The following DPYD variants were observed in gnomAD, a reference collection of about 807,000 sequenced individuals.
DPYD encodes dihydropyrimidine dehydrogenase [NADP(+)].
A neutral mutation model predicts 116.2 loss-of-function variants in DPYD; 109 were observed. That is an observed-to-expected ratio of 0.94 (90% confidence interval 0.80 to 1.10). The LOEUF (loss-of-function observed/expected upper bound fraction) is 1.10, where lower values mean the gene tolerates loss of function less well. Ranked by LOEUF, DPYD falls within the 50% of genes least tolerant of loss-of-function variation. The probability of loss-of-function intolerance (pLI) is 0.00; values close to 1 mark genes in which losing one functional copy is unlikely to be tolerated. For missense variants in DPYD, 1,302 were observed against 1,254.5 expected (o/e 1.04, Z -0.57); for synonymous variants, 440 against 432.0 (o/e 1.02, Z -0.23).
chr1:97,182,033 G>T (rs536200422), intron 20 of DPYD, among the ~76,000 whole-genome samples: 2 of 152,196 alleles, frequency 1.3e-5, no homozygotes, highest in East Asian at 3.9e-4. Context: ...CCAGTAGTAA[G>T]GCATCATGCC....
At chr1:97,105,630 A>G (rs937912689) in intron 20 of DPYD, among the ~76,000 whole-genome samples, 1 of 152,118 alleles carries the variant, frequency 6.6e-6, no homozygotes, top group African/African-American at 2.4e-5. Context: ...CCTAGAGAAC[A>G]GAATCTCTGG....
intron 18 of DPYD, among the ~76,000 whole-genome samples, chr1:97,283,266 T>G (rs758693115): frequency 2.2e-4 from 34 of 152,138 alleles, no homozygotes; most frequent in South Asian, 8.3e-4. Flanking sequence ...TTTGAGTGTC[T>G]TCTTTTATAT....
chr1:97,815,848 A>C (rs138032418), intron 3 of DPYD, among the ~76,000 whole-genome samples: 19 of 152,298 alleles, frequency 1.2e-4, no homozygotes, highest in African/African-American at 4.6e-4. Context: ...TACACAAGGG[A>C]AACTTTTGAA....
chr1:97,367,711 C>A (rs187420611), intron 16 of DPYD, among the ~76,000 whole-genome samples: 139 of 152,220 alleles, frequency 9.1e-4, no homozygotes, highest in Non-Finnish European at 1.7e-3. Flanking sequence ...CCAAAGAAAT[C>A]ATTACTAAAT....
chr1:97,885,035 A>T (rs1240023029), intron 1 of DPYD, among the ~76,000 whole-genome samples: 3 of 152,022 alleles, frequency 2.0e-5, no homozygotes, highest in African/African-American at 7.2e-5. Context: ...AACCCTAAAA[A>T]TTGAAGTGTA....
chr1:97,713,654 C>T (rs1327257678), intron 5 of DPYD, among the ~76,000 whole-genome samples: 1 of 152,190 alleles, frequency 6.6e-6, no homozygotes, highest in South Asian at 2.1e-4. Context: ...ATCAAATCTT[C>T]AAAGATGTTA....
chr1:97,798,912 G>C (rs1470873220), intron 3 of DPYD, among the ~76,000 whole-genome samples: 4 of 151,912 alleles, frequency 2.6e-5, no homozygotes, highest in Non-Finnish European at 5.9e-5. Context: ...CATTGTAACA[G>C]GCAGACAGGA....
At chr1:97,369,060 A>T (rs545471718) in intron 16 of DPYD, among the ~76,000 whole-genome samples, 1 of 152,288 alleles carries the variant, frequency 6.6e-6, no homozygotes, top group Admixed American at 6.5e-5. Context: ...TAAAATATGT[A>T]ATATAATTTT....
At chr1:97,319,907 G>A (rs1363985109) in intron 16 of DPYD, among the ~76,000 whole-genome samples, 1 of 110,540 alleles carries the variant, frequency 9.0e-6, no homozygotes, top group Non-Finnish European at 2.0e-5. Context: ...CTTCATCCCT[G>A]GGATGCAAGG....
chr1:97,749,770 C>A (rs58626076), intron 3 of DPYD, among the ~76,000 whole-genome samples: 9,323 of 151,910 alleles, frequency 0.061, 338 homozygotes, highest in Middle Eastern at 0.11. Context: ...GATATTGTTC[C>A]CTGCTCACCA....
chr1:97,613,604 T>C (rs961666336), intron 8 of DPYD, among the ~76,000 whole-genome samples: 1 of 152,062 alleles, frequency 6.6e-6, no homozygotes, highest in Admixed American at 6.6e-5. Context: ...TTTAAATTTG[T>C]TCATTTGTTC....
At chr1:97,698,083 A>G (rs1446092413) in intron 6 of DPYD, among the ~76,000 whole-genome samples, 1 of 152,030 alleles carries the variant, frequency 6.6e-6, no homozygotes, top group Non-Finnish European at 1.5e-5. Flanking sequence ...AATAATATAT[A>G]GGACATTTTA....
At chr1:97,461,581 C>T (rs937109071) in intron 13 of DPYD, among the ~76,000 whole-genome samples, 6 of 152,112 alleles carry the variant, frequency 3.9e-5, no homozygotes, top group Non-Finnish European at 2.9e-5. Context: ...AACTATTCAG[C>T]TAATGAAAAA....
chr1:97,509,530 G>A (rs895951130), intron 13 of DPYD, among the ~76,000 whole-genome samples: 6 of 151,922 alleles, frequency 3.9e-5, no homozygotes, highest in South Asian at 4.1e-4. Context: ...AACACTGAAC[G>A]TGTTCAGTTG....
At chr1:97,215,726 C>G (rs1218775419) in intron 19 of DPYD, among the ~76,000 whole-genome samples, 1 of 152,172 alleles carries the variant, frequency 6.6e-6, no homozygotes, top group African/African-American at 2.4e-5. Context: ...CTCCTGCGCA[C>G]AAACAGGCAC....
intron 12 of DPYD, among the ~76,000 whole-genome samples, chr1:97,525,881 T>C (rs1452262589): frequency 1.7e-5 from 2 of 115,146 alleles, no homozygotes; most frequent in Non-Finnish European, 3.7e-5. Flanking sequence ...CGTGTGTGTG[T>C]GTGTGCGCGC....
chr1:97,549,050 G>A lies in DPYD; in HGVS notation c.1524+510C>T, dbSNP rs557831916. 7.0e-3 allele frequency among the ~76,000 whole-genome samples: 1,064 copies of A among 151,908 alleles called. 10 individuals carry two copies. The highest frequency in any genetic ancestry group is 0.012 in the Non-Finnish European group (802 of 67,916). On this transcript the variant is annotated intron_variant, in intron 12 of 22. Coordinates refer to ENST00000370192, the MANE Select transcript of DPYD (RefSeq NM_000110.4). Reference sequence around the variant, plus strand: ...TTCACAGTACTCAAATGGTAGGAATGCATGATAAATTTTCTTTCTTATTTT... The same window carrying A: ...TTCACAGTACTCAAATGGTAGGAATACATGATAAATTTTCTTTCTTATTTT...
rs541321153 is a variant in DPYD at position 97,120,159 on chromosome 1, T to C, written c.2623-21527A>G. Among the ~76,000 whole-genome samples, 7 of 152,332 alleles carry C rather than the reference T, an allele frequency of 4.6e-5. No homozygotes were observed. In the South Asian group the frequency reaches 1.0e-3, roughly 23 times the overall value. On this transcript the variant is annotated intron_variant, in intron 20 of 22. Coordinates refer to ENST00000370192, the MANE Select transcript of DPYD (RefSeq NM_000110.4). ...CTTCTTTGTCTGGGGATTTTGTTAA[T>C]GCCCTTTCTTCATATAAGTTTGTGT... is the stretch of plus-strand genomic sequence containing the variant.
chr1:97,680,320 G>C (rs1186499206), intron 7 of DPYD, among the ~76,000 whole-genome samples: 1 of 152,130 alleles, frequency 6.6e-6, no homozygotes, highest in African/African-American at 2.4e-5. Context: ...AGAGATGTTA[G>C]TGGTCCCTGT....
Sources: gnomAD v4.1 joint callset for allele counts (sites outside exome capture counted in the v4.1 genomes callset) on GRCh38, gnomAD v4.1.1 for gene constraint, MANE v1.5 for transcripts, NCBI Gene and HGNC (gene_info 2026-07-23, HGNC 2026-07-21) for gene names.